Variants in SMAD1 observed in about 807,000 individuals in gnomAD.
The protein encoded by SMAD1 is MAD, mothers against decapentaplegic homolog 1.
SMAD1 carries 6 observed loss-of-function variants against 41.6 expected under a neutral mutation model. The ratio of observed to expected loss-of-function variants is 0.14; its 90% CI spans 0.08 to 0.28. The LOEUF (loss-of-function observed/expected upper bound fraction) is 0.28. Ranked by LOEUF, SMAD1 falls within the 10% of genes least tolerant of loss-of-function variation. The pLI is 1.00. For missense variants in SMAD1, 379 were observed against 582.6 expected (o/e 0.65, Z 3.60); for synonymous variants, 206 against 203.2 (o/e 1.01, Z -0.12).
At chr4:145,527,111 C>T (rs1053875694) in intron 2 of SMAD1, among the ~76,000 whole-genome samples, 24 of 151,952 alleles carry the variant, frequency 1.6e-4, no homozygotes, top group African/African-American at 5.6e-4. Context: ...AACAGATATT[C>T]AGAAAAGGAA....
chr4:145,555,552 T>G (rs370287242), intron 6 of SMAD1, among the ~76,000 whole-genome samples: 180 of 152,312 alleles, frequency 1.2e-3, no homozygotes, highest in African/African-American at 4.2e-3. Context: ...CTAAGAGAAT[T>G]TATTACTTTA....
chr4:145,552,657 T>G (rs1279553525), intron 5 of SMAD1, among the ~76,000 whole-genome samples: 4 of 152,180 alleles, frequency 2.6e-5, no homozygotes, highest in African/African-American at 9.7e-5. Flanking sequence ...ATCTTATATC[T>G]TACAGCTTTC....
At chr4:145,498,475 ACT>A (rs1273049093) in intron 1 of SMAD1, among the ~76,000 whole-genome samples, 2 of 151,966 alleles carry the variant, frequency 1.3e-5, no homozygotes, top group African/African-American at 4.8e-5. Flanking sequence ...TGTAGAAATA[ACT>A]CTCTTACCTA....
intron 2 of SMAD1, among the ~76,000 whole-genome samples, chr4:145,535,086 G>A (rs567107532): frequency 1.3e-5 from 2 of 152,150 alleles, no homozygotes; most frequent in South Asian, 4.2e-4. Context: ...GAAAAGCGCT[G>A]TCTGAAATAC....
chr4:145,545,192 AC>A (rs974991623), intron 4 of SMAD1: 1 of 152,160 alleles, frequency 6.6e-6, no homozygotes, highest in African/African-American at 2.4e-5. Flanking sequence ...TTCATTCATT[AC>A]ATATTGTCTA....
chr4:145,534,510 G>A (rs972187698), intron 2 of SMAD1, among the ~76,000 whole-genome samples: 9 of 152,236 alleles, frequency 5.9e-5, no homozygotes, highest in Admixed American at 2.0e-4. Flanking sequence ...GGCCCCTATC[G>A]GATATTAAAA....
chr4:145,520,732 G>A (rs931092364), intron 2 of SMAD1, among the ~76,000 whole-genome samples: 1 of 152,150 alleles, frequency 6.6e-6, no homozygotes, highest in African/African-American at 2.4e-5. Context: ...TCGGCTCAGT[G>A]CAAGTTTTGG....
chr4:145,558,726 A>AT lies in SMAD1; in HGVS notation c.*799dup, dbSNP rs1732979378. ...TTTCCATTTTTTAGAGATTTTTATCATTTTTTTCTCTCTCGGCATTCTTTT... is the reference window on the plus strand; with the variant it reads ...TTTCCATTTTTTAGAGATTTTTATCATTTTTTTTCTCTCTCGGCATTCTTTT... On this transcript the variant is annotated 3_prime_UTR_variant, in exon 7 of 7. Coordinates refer to ENST00000302085, the MANE Select transcript of SMAD1 (RefSeq NM_005900.3). Among the ~76,000 whole-genome samples, 1 of 104,862 alleles carries AT rather than the reference A, an allele frequency of 9.5e-6. No individual in the cohort carries two copies. The highest frequency in any genetic ancestry group is 3.8e-5 in the African/African-American group (1 of 26,284). 68.8% of individuals were successfully genotyped at this position (104,862 alleles called of 152,430 possible). A position where few individuals can be genotyped will look rare whatever the true frequency, so the allele number is the denominator to read the frequency against.
intron 2 of SMAD1, among the ~76,000 whole-genome samples, chr4:145,534,407 T>G (rs903037587): frequency 2.0e-5 from 3 of 152,208 alleles, no homozygotes; most frequent in African/African-American, 7.2e-5. Flanking sequence ...AATAACTTTT[T>G]TTACCGGAGG....
At chr4:145,510,084 G>A (rs998521307) in intron 1 of SMAD1, among the ~76,000 whole-genome samples, 1 of 152,118 alleles carries the variant, frequency 6.6e-6, no homozygotes, top group African/African-American at 2.4e-5. Flanking sequence ...TGCACCGTTT[G>A]CCATGACAGC....
chr4:145,495,408 G>A (rs2126948555), intron 1 of SMAD1, among the ~76,000 whole-genome samples: 1 of 152,242 alleles, frequency 6.6e-6, no homozygotes. Context: ...ACTTACAACT[G>A]TGTATTAGGT....
upstream of SMAD1, chr4:145,481,551 G>T (rs919469664): frequency 2.0e-5 from 3 of 152,218 alleles, no homozygotes; most frequent in African/African-American, 7.2e-5. Flanking sequence ...AAAAAGGCAG[G>T]GTTAGGAAAG....
chr4:145,480,979 T>A (rs1728151409), upstream of SMAD1, among the ~76,000 whole-genome samples: 2 of 151,334 alleles, frequency 1.3e-5, no homozygotes, highest in African/African-American at 4.9e-5. Flanking sequence ...TCATTTTTTC[T>A]AAACGTAACT....
At chr4:145,526,041 T>C (rs6848098) in intron 2 of SMAD1, among the ~76,000 whole-genome samples, 30,832 of 152,210 alleles carry the variant, frequency 0.2, 7,364 homozygotes, top group African/African-American at 0.57. Context: ...AGATGCTGCT[T>C]TTCTTAGTTC....
intron 2 of SMAD1, among the ~76,000 whole-genome samples, chr4:145,516,625 T>C (rs1730405860): frequency 6.6e-6 from 1 of 152,228 alleles, no homozygotes; most frequent in African/African-American, 2.4e-5. Context: ...AGTTTGGATA[T>C]AGACGTTCTT....
intron 1 of SMAD1, among the ~76,000 whole-genome samples, chr4:145,504,630 G>A (rs1045723664): frequency 1.3e-5 from 2 of 152,174 alleles, no homozygotes; most frequent in Non-Finnish European, 2.9e-5. Flanking sequence ...GTGAGCGGAT[G>A]GCAGTTTCTG....
intron 2 of SMAD1, among the ~76,000 whole-genome samples, chr4:145,521,833 A>G (rs1478761856): frequency 6.7e-6 from 1 of 150,028 alleles, no homozygotes; most frequent in East Asian, 2.0e-4. Flanking sequence ...TGTAAGTAGG[A>G]TTTCTCTGTT....
At chr4:145,522,192 C>T (rs572916409) in intron 2 of SMAD1, among the ~76,000 whole-genome samples, 27 of 152,024 alleles carry the variant, frequency 1.8e-4, no homozygotes, top group African/African-American at 5.8e-4. Flanking sequence ...CCCAGCTACT[C>T]GGGAGGCTGA....
chr4:145,530,704 CA>C, intron 2 of SMAD1, among the ~76,000 whole-genome samples: 1 of 152,104 alleles, frequency 6.6e-6, no homozygotes, highest in East Asian at 1.9e-4. Context: ...TACCTTTAGG[CA>C]AAACTATCAT....
Sources: gnomAD v4.1 joint callset for allele counts (sites outside exome capture counted in the v4.1 genomes callset) on GRCh38, gnomAD v4.1.1 for gene constraint, MANE v1.5 for transcripts, NCBI Gene and HGNC (gene_info 2026-07-23, HGNC 2026-07-21) for gene names.